Variants in NBEA observed in about 807,000 individuals in gnomAD.
NBEA encodes lysosomal-trafficking regulator 2.
In NBEA, 44 loss-of-function variants were observed where a neutral mutation model predicts 343.4. The ratio of observed to expected loss-of-function variants is 0.13; its 90% CI spans 0.10 to 0.16. The LOEUF (loss-of-function observed/expected upper bound fraction) is 0.16, where lower values mean the gene tolerates loss of function less well. Ranked by LOEUF, NBEA falls within the 10% of genes least tolerant of loss-of-function variation. NBEA has a pLI of 1.00. For synonymous variants in NBEA, 1,175 were observed against 1,238.7 expected (o/e 0.95, Z 1.08); for missense variants, 2,555 against 3,631.3 (o/e 0.70, Z 7.62).
chr13:35,553,742 A>G (rs1385571381), intron 43 of NBEA, among the ~76,000 whole-genome samples: 1 of 152,196 alleles, frequency 6.6e-6, no homozygotes, highest in Non-Finnish European at 1.5e-5. Flanking sequence ...TTCCCAAACT[A>G]AACACGAAGG....
intron 41 of NBEA, among the ~76,000 whole-genome samples, chr13:35,549,172 A>G (rs941854693): frequency 6.6e-6 from 1 of 152,218 alleles, no homozygotes; most frequent in Non-Finnish European, 1.5e-5. Flanking sequence ...CAATGTCTAG[A>G]GAAAGACAAA....
intron 38 of NBEA, among the ~76,000 whole-genome samples, chr13:35,421,976 G>C (rs2152923967): frequency 6.6e-6 from 1 of 151,808 alleles, no homozygotes; most frequent in East Asian, 1.9e-4. Context: ...ATTATGATGT[G>C]TCTTAGCATG....
chr13:35,238,545 A>G (rs1002841198), intron 34 of NBEA, among the ~76,000 whole-genome samples: 5 of 152,196 alleles, frequency 3.3e-5, no homozygotes, highest in African/African-American at 4.8e-5. Context: ...TCATCTAACT[A>G]TAGTCACTTA....
At chr13:35,350,264 C>A (rs2152863939) in intron 37 of NBEA, among the ~76,000 whole-genome samples, 1 of 152,214 alleles carries the variant, frequency 6.6e-6, no homozygotes, top group East Asian at 1.9e-4. Context: ...TAGTTATGAG[C>A]TTTAACATGT....
At chr13:35,045,263 T>C in intron 3 of NBEA, 43 bp from the exon 4 acceptor site, 2 of 1,514,376 alleles carry the variant, frequency 1.3e-6, no homozygotes, top group Non-Finnish European at 1.8e-6. Context: ...GTATGATTGC[T>C]AAATTTGTAC....
In NBEA at chr13:35,618,877, C is replaced by T. The variant is rs537647849; in HGVS notation, c.7450-9204C>T. 9.9e-5 allele frequency among the ~76,000 whole-genome samples: 15 copies of T among 152,118 alleles called. No individual in the cohort carries two copies. In the South Asian group the frequency reaches 2.7e-3, roughly 27 times the overall value. On this transcript the variant is annotated intron_variant, in intron 48 of 58. Transcript: ENST00000379939. ...CGGATGTGCATTGATAATCTCATCT[C>T]GCCCTCAGCCCAGCAGATTCCTGGT...
At chr13:34,999,049 C>T (rs916092076) in intron 1 of NBEA, among the ~76,000 whole-genome samples, 1 of 152,096 alleles carries the variant, frequency 6.6e-6, no homozygotes, top group African/African-American at 2.4e-5. Context: ...TTCAGCTGGT[C>T]CCTCCGTTTG....
intron 49 of NBEA, among the ~76,000 whole-genome samples, chr13:35,637,693 G>C (rs1279734672): frequency 6.6e-6 from 1 of 151,928 alleles, no homozygotes; most frequent in African/African-American, 2.4e-5. Flanking sequence ...ATGGTGGCAG[G>C]CACCTGTAGT....
chr13:35,447,752 C>T (rs987685805), intron 39 of NBEA, among the ~76,000 whole-genome samples: 1 of 152,094 alleles, frequency 6.6e-6, no homozygotes, highest in Non-Finnish European at 1.5e-5. Context: ...TTGTGGTATT[C>T]GCTTGTTAAT....
intron 41 of NBEA, among the ~76,000 whole-genome samples, chr13:35,478,378 C>G (rs1400244790): frequency 6.6e-6 from 1 of 152,150 alleles, no homozygotes; most frequent in Non-Finnish European, 1.5e-5. Context: ...GTGAATGCAC[C>G]ACTACCTTTT....
chr13:35,433,864 A>G (rs1005443784), intron 39 of NBEA, among the ~76,000 whole-genome samples: 1 of 151,986 alleles, frequency 6.6e-6, no homozygotes, highest in Non-Finnish European at 1.5e-5. Context: ...TTATAATATG[A>G]TCTTAAAATT....
chr13:34,977,056 T>G (rs2060203450), intron 1 of NBEA, among the ~76,000 whole-genome samples: 1 of 151,216 alleles, frequency 6.6e-6, no homozygotes, highest in Non-Finnish European at 1.5e-5. Flanking sequence ...TTCTCCTGCC[T>G]CAGCCTCCCA....
In NBEA at chr13:35,048,664, G is replaced by A. The variant is rs1183643477; in HGVS notation, c.825G>A (p.Lys275=). The part of the protein sequence containing the change: ...MDPLNNINVD[K]DKPYLYCFRT... ...CATTAAATAATATTAATGTTGATAA[G>A]GATAAACCTTATCTTTATTGGTAAG... Residue 275 remains lysine (K), a synonymous_variant, in exon 5 of 59, where the codon AAG becomes AAA. Transcript: ENST00000379939. The A allele has an allele frequency of 1.4e-6, 2 of 1,380,522 alleles. No homozygotes were observed. The highest frequency in any genetic ancestry group is 1.2e-5 in the South Asian group (1 of 80,854). The allele number at this position is 1,380,522 out of a possible 1,614,324, so 85.5% of individuals were successfully genotyped here.
At chr13:34,980,915 A>G (rs1316252793) in intron 1 of NBEA, among the ~76,000 whole-genome samples, 1 of 152,150 alleles carries the variant, frequency 6.6e-6, no homozygotes, top group East Asian at 1.9e-4. Flanking sequence ...TTTTCTTAAA[A>G]TAGCTTCATT....
intron 41 of NBEA, among the ~76,000 whole-genome samples, chr13:35,494,456 G>A (rs1434700060): frequency 1.3e-5 from 2 of 151,910 alleles, no homozygotes; most frequent in Non-Finnish European, 2.9e-5. Context: ...CAAAAGAATC[G>A]TGGTTTTTCC....
chr13:35,238,716 A>G (rs2075347554), intron 34 of NBEA, among the ~76,000 whole-genome samples: 1 of 152,284 alleles, frequency 6.6e-6, no homozygotes, highest in East Asian at 1.9e-4. Flanking sequence ...AAGTTGAAAC[A>G]TTTTAGAAAG....
chr13:35,260,865 T>C (rs1030167842), intron 34 of NBEA, among the ~76,000 whole-genome samples: 1 of 152,156 alleles, frequency 6.6e-6, no homozygotes, highest in Admixed American at 6.6e-5. Flanking sequence ...AGTGGCACAT[T>C]AGTAGTAGAG....
intron 41 of NBEA, among the ~76,000 whole-genome samples, chr13:35,549,402 G>A (rs9544614): frequency 6.6e-6 from 1 of 152,034 alleles, no homozygotes; most frequent in Non-Finnish European, 1.5e-5. Context: ...TATAAGTGCG[G>A]TAGAGTATAC....
chr13:35,644,337 G>T (rs1237125487), intron 49 of NBEA, among the ~76,000 whole-genome samples: 2 of 152,148 alleles, frequency 1.3e-5, no homozygotes, highest in Admixed American at 1.3e-4. Context: ...GTCCAAAATG[G>T]TCAGAGTTGG....
Sources: gnomAD v4.1 joint callset for allele counts (sites outside exome capture counted in the v4.1 genomes callset) on GRCh38, gnomAD v4.1.1 for gene constraint, MANE v1.5 for transcripts, NCBI Gene and HGNC (gene_info 2026-07-23, HGNC 2026-07-21) for gene names.